Variants in NLGN1 observed in about 807,000 individuals in gnomAD.
NLGN1 encodes neuroligin-1.
In NLGN1, 12 loss-of-function variants were observed where a neutral mutation model predicts 65.5. That is an observed-to-expected ratio of 0.18 (90% CI 0.12 to 0.30). The LOEUF is 0.30. NLGN1 is among the 10% of genes least tolerant of loss of function. The pLI is 1.00. For synonymous variants in NLGN1, 350 were observed against 359.5 expected, an observed-to-expected ratio of 0.97 and a Z score of 0.30; for missense variants, 750 against 1,007.1, an observed-to-expected ratio of 0.74 and a Z score of 3.46.
chr3:173,915,455 A>G (rs1740541143), intron 4 of NLGN1, among the ~76,000 whole-genome samples: 1 of 152,304 alleles, frequency 6.6e-6, no homozygotes, highest in East Asian at 1.9e-4. Flanking sequence ...GCAGGAAGAA[A>G]ATGTATTGCT....
intron 3 of NLGN1, among the ~76,000 whole-genome samples, chr3:173,755,836 C>A (rs148202399): frequency 6.6e-6 from 1 of 151,998 alleles, no homozygotes; most frequent in African/African-American, 2.4e-5. Flanking sequence ...GGGTGTTTAG[C>A]AAATTTAAGT....
intron 4 of NLGN1, among the ~76,000 whole-genome samples, chr3:173,817,441 G>A (rs1390500763): frequency 2.6e-5 from 4 of 152,184 alleles, no homozygotes; most frequent in South Asian, 2.1e-4. Flanking sequence ...AAAGTGAGAC[G>A]GTTGGTAGTC....
chr3:173,820,179 GAA>G (rs63081662), intron 4 of NLGN1, among the ~76,000 whole-genome samples: 35 of 136,646 alleles, frequency 2.6e-4, no homozygotes, highest in Non-Finnish European at 3.1e-4. Flanking sequence ...ATTCAGTCTC[GAA>G]AAAAAAAAAA....
chr3:173,864,929 C>T (rs981377968), intron 4 of NLGN1, among the ~76,000 whole-genome samples: 6 of 152,090 alleles, frequency 3.9e-5, no homozygotes, highest in East Asian at 1.9e-4. Flanking sequence ...GGGAAAAATA[C>T]GGTTTTGATG....
At chr3:173,519,759 T>C (rs1262227410) in intron 2 of NLGN1, among the ~76,000 whole-genome samples, 1 of 152,056 alleles carries the variant, frequency 6.6e-6, no homozygotes, top group Non-Finnish European at 1.5e-5. Flanking sequence ...TTATCTCAGA[T>C]GAGAGTTTGG....
At chr3:173,397,989 C>T (rs982375090), upstream of NLGN1, 17 of 152,288 alleles carry the variant, frequency 1.1e-4, no homozygotes, top group Non-Finnish European at 2.5e-4. Flanking sequence ...AGCGGCGCCC[C>T]AGTCACTGCA....
chr3:173,961,857 T>C (rs1288609722), intron 4 of NLGN1, among the ~76,000 whole-genome samples: 2 of 152,090 alleles, frequency 1.3e-5, no homozygotes, highest in East Asian at 3.8e-4. Context: ...ACCTTAAACT[T>C]TAACAGGGAG....
chr3:173,754,701 A>G (rs555099726), intron 3 of NLGN1, among the ~76,000 whole-genome samples: 11 of 152,284 alleles, frequency 7.2e-5, no homozygotes, highest in South Asian at 4.1e-4. Context: ...ATGCAGAAAA[A>G]TAAATATTCA....
intron 4 of NLGN1, among the ~76,000 whole-genome samples, chr3:174,094,046 C>CA (rs1157789979): frequency 1.3e-5 from 2 of 151,670 alleles, no homozygotes; most frequent in African/African-American, 4.8e-5. Context: ...GAACATAATC[C>CA]AAAAAAGTAA....
At chr3:173,598,517 G>C (rs1037415619) in intron 2 of NLGN1, among the ~76,000 whole-genome samples, 9 of 152,194 alleles carry the variant, frequency 5.9e-5, no homozygotes, top group Admixed American at 5.9e-4. Flanking sequence ...GAATGAATTT[G>C]ATAATACTTT....
At chr3:173,915,342 T>A (rs1421871100) in intron 4 of NLGN1, among the ~76,000 whole-genome samples, 2 of 152,214 alleles carry the variant, frequency 1.3e-5, no homozygotes, top group African/African-American at 2.4e-5. Flanking sequence ...AATTAATTAA[T>A]TCATTTTCAA....
At chr3:173,594,145 G>T (rs1184906632) in intron 2 of NLGN1, among the ~76,000 whole-genome samples, 2 of 152,108 alleles carry the variant, frequency 1.3e-5, no homozygotes, top group Non-Finnish European at 2.9e-5. Context: ...GTCCCCAAAA[G>T]TCTTAACTCA....
At chr3:174,266,242 AG>A (rs1468192494) in intron 4 of NLGN1, among the ~76,000 whole-genome samples, 1 of 151,906 alleles carries the variant, frequency 6.6e-6, no homozygotes, top group East Asian at 1.9e-4. Flanking sequence ...TGGTGTCTAT[AG>A]TTCCCTTCTT....
chr3:173,941,348 G>A (rs1746058488), intron 4 of NLGN1, among the ~76,000 whole-genome samples: 1 of 152,048 alleles, frequency 6.6e-6, no homozygotes, highest in African/African-American at 2.4e-5. Flanking sequence ...GCTTAGCAGA[G>A]TCTTATCAAA....
At chr3:173,469,769 G>T (rs1286688040) in intron 2 of NLGN1, among the ~76,000 whole-genome samples, 1 of 151,650 alleles carries the variant, frequency 6.6e-6, no homozygotes, top group Non-Finnish European at 1.5e-5. Flanking sequence ...CTTCCTCCCA[G>T]ACCCTGGTAG....
chr3:173,997,040 CT>C (rs1223454805), intron 4 of NLGN1, among the ~76,000 whole-genome samples: 3 of 151,516 alleles, frequency 2.0e-5, no homozygotes, highest in South Asian at 2.1e-4. Flanking sequence ...TGGGTTATGT[CT>C]TTTTTTTAAT....
intron 4 of NLGN1, among the ~76,000 whole-genome samples, chr3:173,914,238 G>T (rs989725574): frequency 2.6e-5 from 4 of 152,082 alleles, no homozygotes; most frequent in African/African-American, 7.2e-5. Context: ...CATCCTTAAA[G>T]AAATCATTAT....
intron 2 of NLGN1, among the ~76,000 whole-genome samples, chr3:173,561,926 A>G (rs894204444): frequency 6.6e-6 from 1 of 152,224 alleles, no homozygotes; most frequent in Non-Finnish European, 1.5e-5. Flanking sequence ...AAAATGCTCT[A>G]GTGGTTTTTT....
rs142815971 is a variant in NLGN1, at chr3:173,874,345, G to A, written c.646+66513G>A. ...CCTATGGATCCCTTCTCAAAGTGAT[G>A]TTTAAATGTGTAAAATAAAATACAT... is the stretch of plus-strand genomic sequence containing the variant. On this transcript the variant is annotated intron_variant, in intron 4 of 6. Coordinates refer to ENST00000457714, the Ensembl canonical transcript of NLGN1. Among the ~76,000 whole-genome samples the A allele has an allele frequency of 3.9e-5, 6 of 152,296 alleles. No individual in the cohort carries two copies. In the East Asian group the frequency reaches 1.2e-3, roughly 29 times the overall value.
Sources: gnomAD v4.1 joint callset for allele counts (sites outside exome capture counted in the v4.1 genomes callset) on GRCh38, gnomAD v4.1.1 for gene constraint, MANE v1.5 for transcripts, NCBI Gene and HGNC (gene_info 2026-07-23, HGNC 2026-07-21) for gene names.